The following GLIS3 variants were observed in gnomAD, a reference collection of about 807,000 sequenced individuals.
GLIS3 encodes GLIS family zinc finger 3, also known as zinc finger protein GLIS3.
Under a neutral mutation model 78.6 loss-of-function variants are expected in GLIS3, and 53 were observed. The observed-to-expected ratio is 0.67, with a 90% CI of 0.54 to 0.85. The LOEUF (loss-of-function observed/expected upper bound fraction) is 0.85, where lower values mean the gene tolerates loss of function less well. GLIS3 is among the 40% of genes least tolerant of loss of function. The pLI is 0.00. For synonymous variants in GLIS3, 684 were observed against 509.9 expected (o/e 1.34, Z -4.60); for missense variants, 1,703 against 1,231.1 (o/e 1.38, Z -5.74).
chr9:4,215,078 T>C (rs2131310634), intron 2 of GLIS3, among the ~76,000 whole-genome samples: 1 of 152,230 alleles, frequency 6.6e-6, no homozygotes, highest in Non-Finnish European at 1.5e-5. Flanking sequence ...GGTGCAGAGA[T>C]TCACAAAGAG....
At chr9:4,391,351 T>C in the GLIS3 span, among the ~76,000 whole-genome samples, 1 of 152,232 alleles carries the variant, frequency 6.6e-6, no homozygotes, top group Non-Finnish European at 1.5e-5. Flanking sequence ...ATTGCTTGTC[T>C]AGTCTATATA....
chr9:4,205,498 T>G (rs2068911), intron 2 of GLIS3, among the ~76,000 whole-genome samples: 47,780 of 152,054 alleles, frequency 0.31, 7,650 homozygotes, highest in East Asian at 0.38. Context: ...CCTGGAAGAT[T>G]TGATGTGAGA....
chr9:4,382,685 C>A, the GLIS3 span, among the ~76,000 whole-genome samples: 5 of 152,138 alleles, frequency 3.3e-5, no homozygotes. Flanking sequence ...AGACAAAATT[C>A]TAGAGTGATG....
At chr9:4,226,605 G>A (rs184505482) in intron 2 of GLIS3, among the ~76,000 whole-genome samples, 4 of 152,164 alleles carry the variant, frequency 2.6e-5, no homozygotes, top group African/African-American at 9.7e-5. Flanking sequence ...GCTTCCTTCT[G>A]AAGTAGAACT....
chr9:4,275,337 G>C (rs544674095), intron 2 of GLIS3, among the ~76,000 whole-genome samples: 1 of 152,194 alleles, frequency 6.6e-6, no homozygotes, highest in Non-Finnish European at 1.5e-5. Flanking sequence ...GTTTTTAAAA[G>C]TATACTTTTT....
intron 2 of GLIS3, among the ~76,000 whole-genome samples, chr9:4,312,329 A>C (rs76212790): frequency 0.092 from 13,987 of 152,196 alleles, 740 homozygotes; most frequent in East Asian, 0.22. Flanking sequence ...AGAGCCAGGC[A>C]TGGTGGTGCA....
At chr9:3,833,837 T>C (rs985202725) in intron 9 of GLIS3, among the ~76,000 whole-genome samples, 2 of 152,216 alleles carry the variant, frequency 1.3e-5, no homozygotes, top group Non-Finnish European at 2.9e-5. Flanking sequence ...GATAAATGTA[T>C]TCCACCTAAA....
intron 4 of GLIS3, among the ~76,000 whole-genome samples, chr9:4,024,347 T>G (rs1170766905): frequency 1.3e-5 from 2 of 152,188 alleles, no homozygotes; most frequent in African/African-American, 4.8e-5. Flanking sequence ...AGAATCAAAA[T>G]GAAGGTCATG....
At chr9:4,137,376 T>C (rs1206694588) in intron 2 of GLIS3, among the ~76,000 whole-genome samples, 1 of 152,210 alleles carries the variant, frequency 6.6e-6, no homozygotes, top group Non-Finnish European at 1.5e-5. Context: ...CATACCAACA[T>C]TCTTCCAACC....
At chr9:4,165,683 G>T (rs1014268798) in intron 2 of GLIS3, among the ~76,000 whole-genome samples, 1 of 152,200 alleles carries the variant, frequency 6.6e-6, no homozygotes, top group Non-Finnish European at 1.5e-5. Flanking sequence ...ACGTGGTTTT[G>T]AACAAGTTGA....
chr9:4,240,850 TTAAAA>T (rs942255730), intron 2 of GLIS3, among the ~76,000 whole-genome samples: 23 of 151,872 alleles, frequency 1.5e-4, no homozygotes, highest in African/African-American at 4.1e-4. Context: ...ACCCCTGAAA[TTAAAA>T]TAAAAGTTAA....
intron 2 of GLIS3, among the ~76,000 whole-genome samples, chr9:4,329,495 A>C (rs1362404685): frequency 6.6e-6 from 1 of 152,122 alleles, no homozygotes. Flanking sequence ...GGGGGCCTAT[A>C]ATAAGACCAC....
intron 4 of GLIS3, among the ~76,000 whole-genome samples, chr9:4,058,803 AC>A (rs1398862971): frequency 1.3e-5 from 2 of 152,116 alleles, no homozygotes; most frequent in East Asian, 1.9e-4. Flanking sequence ...ACACAGTGAA[AC>A]CCCATCTCTA....
chr9:4,069,362 T>C (rs1464360150), intron 4 of GLIS3, among the ~76,000 whole-genome samples: 1 of 152,196 alleles, frequency 6.6e-6, no homozygotes, highest in Non-Finnish European at 1.5e-5. Flanking sequence ...ATTCCAAAAC[T>C]CAGGCTCAGA....
chr9:3,897,421 A>G (rs539791464), intron 7 of GLIS3, among the ~76,000 whole-genome samples: 4 of 152,072 alleles, frequency 2.6e-5, no homozygotes, highest in Non-Finnish European at 4.4e-5. Context: ...AACAAAAGCT[A>G]GTCATGGTTT....
chr9:4,291,739 T>G (rs1815998433), intron 1 of GLIS3, among the ~76,000 whole-genome samples: 1 of 152,126 alleles, frequency 6.6e-6, no homozygotes, highest in African/African-American at 2.4e-5. Context: ...GGCTACAGAT[T>G]GCTGGAGCAA....
At chr9:4,167,230 C>T (rs1815941348) in intron 2 of GLIS3, among the ~76,000 whole-genome samples, 1 of 151,700 alleles carries the variant, frequency 6.6e-6, no homozygotes, top group African/African-American at 2.4e-5. Flanking sequence ...GTACAGATTC[C>T]ATAGAAGTAT....
chr9:4,467,654 G>T, the GLIS3 span, among the ~76,000 whole-genome samples: 3 of 152,024 alleles, frequency 2.0e-5, no homozygotes, highest in Admixed American at 1.3e-4. Context: ...AAAGAACAAA[G>T]GTAGATAAAA....
the GLIS3 span, among the ~76,000 whole-genome samples, chr9:4,401,990 A>G: frequency 6.6e-6 from 1 of 152,112 alleles, no homozygotes; most frequent in African/African-American, 2.4e-5. Context: ...CAACAGATAA[A>G]CTGCCAAGGT....
Sources: gnomAD v4.1 joint callset for allele counts (sites outside exome capture counted in the v4.1 genomes callset) on GRCh38, gnomAD v4.1.1 for gene constraint, MANE v1.5 for transcripts, NCBI Gene and HGNC (gene_info 2026-07-23, HGNC 2026-07-21) for gene names.